Variants in FAF1 observed in about 807,000 individuals in gnomAD.
The protein encoded by FAF1 is Fas associated factor 1, also known as FAS-associated factor 1.
Under a neutral mutation model 92.5 loss-of-function variants are expected in FAF1, and 25 were observed. That is an observed-to-expected ratio of 0.27 (90% CI 0.20 to 0.38). The LOEUF is 0.38. Ranked by LOEUF, FAF1 falls within the 10% of genes least tolerant of loss-of-function variation. FAF1 has a pLI of 1.00. For synonymous variants in FAF1, 234 were observed against 273.2 expected, an observed-to-expected ratio of 0.86 and a Z score of 1.42; for missense variants, 636 against 793.3, an observed-to-expected ratio of 0.80 and a Z score of 2.38.
chr1:50,721,850 C>G (rs1658424942), intron 6 of FAF1, among the ~76,000 whole-genome samples: 1 of 151,940 alleles, frequency 6.6e-6, no homozygotes, highest in African/African-American at 2.4e-5. Flanking sequence ...TCTCAAACAC[C>G]TGGGTTCAAG....
At chr1:50,642,231 T>A (rs1462517930) in intron 8 of FAF1, among the ~76,000 whole-genome samples, 1 of 151,472 alleles carries the variant, frequency 6.6e-6, no homozygotes, top group Non-Finnish European at 1.5e-5. Flanking sequence ...AAATCCTTGT[T>A]CTGTATCTTT....
intron 6 of FAF1, among the ~76,000 whole-genome samples, chr1:50,711,617 C>A (rs1272192312): frequency 6.6e-6 from 1 of 151,976 alleles, no homozygotes; most frequent in African/African-American, 2.4e-5. Context: ...CAGGCGCATA[C>A]CACCATGCCC....
chr1:50,770,120 T>C (rs1187025400), intron 4 of FAF1, among the ~76,000 whole-genome samples: 2 of 151,970 alleles, frequency 1.3e-5, no homozygotes, highest in African/African-American at 4.8e-5. Context: ...TTAAGAGCCA[T>C]CTATGAAAAA....
At chr1:50,722,839 G>A (rs1254460417) in intron 6 of FAF1, among the ~76,000 whole-genome samples, 1 of 152,138 alleles carries the variant, frequency 6.6e-6, no homozygotes, top group African/African-American at 2.4e-5. Context: ...ATCATTCTGA[G>A]TGAAGAAGCT....
chr1:50,887,247 T>C (rs1328025047), intron 1 of FAF1, among the ~76,000 whole-genome samples: 1 of 152,222 alleles, frequency 6.6e-6, no homozygotes, highest in Non-Finnish European at 1.5e-5. Context: ...TGTAAATTTG[T>C]TTGAGTTCTT....
intron 2 of FAF1, among the ~76,000 whole-genome samples, chr1:50,810,426 A>G (rs919410240): frequency 6.6e-6 from 1 of 152,190 alleles, no homozygotes; most frequent in African/African-American, 2.4e-5. Flanking sequence ...GAAGGAGCAC[A>G]CTTCAAAATA....
chr1:50,707,802 G>C (rs562819588), intron 6 of FAF1, among the ~76,000 whole-genome samples: 13 of 152,336 alleles, frequency 8.5e-5, no homozygotes, highest in African/African-American at 3.1e-4. Context: ...AATGAATGGT[G>C]AATTTCTAGA....
intron 6 of FAF1, among the ~76,000 whole-genome samples, chr1:50,734,091 T>G (rs1007731246): frequency 2.0e-5 from 3 of 152,150 alleles, no homozygotes; most frequent in Non-Finnish European, 4.4e-5. Context: ...GCCACTGCAC[T>G]CAGTCTTTGG....
At chr1:50,478,488 T>C (rs1029784251) in intron 17 of FAF1, among the ~76,000 whole-genome samples, 2 of 152,186 alleles carry the variant, frequency 1.3e-5, no homozygotes, top group African/African-American at 4.8e-5. Flanking sequence ...TACAACCATA[T>C]CTTTTGAGAT....
intron 15 of FAF1, 73 bp downstream of exon 15, chr1:50,535,296 G>T: frequency 2.1e-6 from 2 of 971,526 alleles, no homozygotes; most frequent in East Asian, 2.4e-5. Context: ...TCATAGGCAT[G>T]TATCATCATT....
At chr1:50,547,520 T>A (rs1649088440) in intron 13 of FAF1, among the ~76,000 whole-genome samples, 1 of 152,072 alleles carries the variant, frequency 6.6e-6, no homozygotes, top group Non-Finnish European at 1.5e-5. Context: ...GTTTAAGTGA[T>A]TCTCCTGCCT....
At chr1:50,640,709 T>A (rs1469067333) in intron 8 of FAF1, among the ~76,000 whole-genome samples, 2 of 152,134 alleles carry the variant, frequency 1.3e-5, no homozygotes, top group Non-Finnish European at 2.9e-5. Flanking sequence ...TCACATTTCC[T>A]TTTCATCTTT....
chr1:50,501,111 T>C (rs1646978888), intron 15 of FAF1, among the ~76,000 whole-genome samples: 1 of 152,124 alleles, frequency 6.6e-6, no homozygotes, highest in Non-Finnish European at 1.5e-5. Flanking sequence ...GACAAAACCA[T>C]AGACTGAGAG....
At chr1:50,880,553 A>G (rs537428583) in intron 1 of FAF1, among the ~76,000 whole-genome samples, 1 of 152,356 alleles carries the variant, frequency 6.6e-6, no homozygotes, top group East Asian at 1.9e-4. Flanking sequence ...CTCCACATGT[A>G]CACACCAAGG....
chr1:50,868,504 AT>A (rs1644501118), intron 1 of FAF1, among the ~76,000 whole-genome samples: 1 of 152,090 alleles, frequency 6.6e-6, no homozygotes, highest in Non-Finnish European at 1.5e-5. Context: ...TAGAGCAATG[AT>A]TTTAATCCCT....
At chr1:50,689,993 CTTT>C (rs1159221059) in intron 7 of FAF1, among the ~76,000 whole-genome samples, 3 of 122,330 alleles carry the variant, frequency 2.5e-5, no homozygotes, top group South Asian at 2.7e-4. Context: ...CATTATATTT[CTTT>C]TTTTTTTTTT....
At chr1:50,451,816 C>A in intron 18 of FAF1, 1 of 991,328 alleles carries the variant, frequency 1.0e-6, no homozygotes, top group Non-Finnish European at 1.2e-6. Context: ...GCATTCATGG[C>A]AAATCTGGAT....
At chr1:50,737,993 A>G (rs1192648825) in intron 6 of FAF1, among the ~76,000 whole-genome samples, 1 of 152,208 alleles carries the variant, frequency 6.6e-6, no homozygotes, top group Admixed American at 6.5e-5. Context: ...CACTAGCATA[A>G]TCATCCACTA....
intron 6 of FAF1, among the ~76,000 whole-genome samples, chr1:50,709,646 A>G (rs1285859971): frequency 6.6e-6 from 1 of 152,120 alleles, no homozygotes; most frequent in Non-Finnish European, 1.5e-5. Context: ...CCCCTAACCT[A>G]TATTTGATTC....
Sources: allele counts gnomAD v4.1 joint callset (sites outside exome capture counted in the v4.1 genomes callset), GRCh38; gene constraint gnomAD v4.1.1; transcripts MANE v1.5; gene names NCBI Gene and HGNC (gene_info 2026-07-23, HGNC 2026-07-21).